The following ABI2 variants were observed in gnomAD, a reference collection of about 807,000 sequenced individuals.
The protein encoded by ABI2 is abl interactor 2.
ABI2 carries 25 observed loss-of-function variants against 59.2 expected under a neutral mutation model. That is an observed-to-expected ratio of 0.42 (90% CI 0.31 to 0.59). The LOEUF is 0.59. Ranked by LOEUF, ABI2 falls within the 20% of genes least tolerant of loss-of-function variation. The pLI, the probability that ABI2 is intolerant of heterozygous loss-of-function variation, is 0.14. For missense variants in ABI2, 545 were observed against 681.8 expected (o/e 0.80, Z 2.23); for synonymous variants, 213 against 235.5 (o/e 0.90, Z 0.87).
At chr2:203,374,182 T>C (rs2153109060) in intron 2 of ABI2, among the ~76,000 whole-genome samples, 1 of 151,690 alleles carries the variant, frequency 6.6e-6, no homozygotes, top group East Asian at 2.0e-4. Flanking sequence ...ACAAAAACTT[T>C]ATATAGATAG....
chr2:203,379,647 CG>C (rs1239736634), intron 2 of ABI2, among the ~76,000 whole-genome samples: 1 of 152,098 alleles, frequency 6.6e-6, no homozygotes, highest in African/African-American at 2.4e-5. Flanking sequence ...AGATTAATTT[CG>C]GGGGCTTTCT....
chr2:203,394,576 G>A (rs1351407188), intron 5 of ABI2, 124 bp from the exon 6 acceptor site: 2 of 910,954 alleles, frequency 2.2e-6, no homozygotes, highest in Non-Finnish European at 3.3e-6. Flanking sequence ...ATTGGTAGCT[G>A]GGTTATGTTA....
chr2:203,430,094 G>C lies in ABI2; in HGVS notation c.*2742G>C, dbSNP rs973081461. On this transcript the variant is annotated 3_prime_UTR_variant, in exon 12 of 12. Coordinates refer to ENST00000261018, the MANE Select transcript of ABI2 (RefSeq NM_001375670.1). ...TTGTCTTGGAAGGATACTGTGTGAT[G>C]GGTCAGGCACACAGTAATTGGAGAC... The C allele has an allele frequency of 6.6e-6, 1 of 152,148 alleles. No individual in the cohort carries two copies. Among genetic ancestry groups the C allele is most frequent in the African/African-American group, 2.4e-5 (1 of 41,438 alleles). The allele number at this position is 152,148 out of a possible 1,614,324, so 9.4% of individuals were successfully genotyped here. A position where few individuals can be genotyped will look rare whatever the true frequency, so the allele number is the denominator to read the frequency against.
Position 203,328,415 on chromosome 2 carries a change from TCGCCGC to T in ABI2, c.-96_-91del. The T allele has an allele frequency of 2.1e-6, 2 of 974,782 alleles. No homozygotes were observed. Among genetic ancestry groups the T allele is most frequent in the Non-Finnish European group, 3.1e-6 (2 of 645,640 alleles). The allele number at this position is 974,782 out of a possible 1,614,324, so 60.4% of individuals were successfully genotyped here. A position where few individuals can be genotyped will look rare whatever the true frequency, so the allele number is the denominator to read the frequency against. On this transcript the variant is annotated 5_prime_UTR_variant, in exon 1 of 12. Transcript: ENST00000261018. ...CGCTCCTTCCGAGTTACCGCCGCCGTCGCCGCCGCTCCTCCTCTCCCGGTCCTGGGT... is the reference window on the plus strand; with the variant it reads ...CGCTCCTTCCGAGTTACCGCCGCCGTCGCTCCTCCTCTCCCGGTCCTGGGT...
intron 1 of ABI2, among the ~76,000 whole-genome samples, chr2:203,363,821 A>G (rs1308301592): frequency 4.6e-5 from 7 of 151,846 alleles, no homozygotes; most frequent in South Asian, 2.1e-4. Context: ...CTGGAGTGCA[A>G]TGGTGCGATC....
intron 1 of ABI2, among the ~76,000 whole-genome samples, chr2:203,345,531 C>T (rs907130469): frequency 6.6e-6 from 1 of 152,126 alleles, no homozygotes; most frequent in African/African-American, 2.4e-5. Context: ...CTGCCTCAGC[C>T]TCCTGAGTAG....
chr2:203,347,172 A>G (rs939563992), intron 1 of ABI2, among the ~76,000 whole-genome samples: 1 of 152,208 alleles, frequency 6.6e-6, no homozygotes, highest in African/African-American at 2.4e-5. Flanking sequence ...AGGAGTGATC[A>G]TATAGAAAGC....
At chr2:203,400,000 G>A (rs1359786075) in intron 8 of ABI2, among the ~76,000 whole-genome samples, 1 of 150,294 alleles carries the variant, frequency 6.7e-6, no homozygotes, top group African/African-American at 2.5e-5. Context: ...AGGTTTTATC[G>A]CTAGGTTTAT....
chr2:203,392,263 G>GCACCACCACCATCAC (rs2096770914), intron 5 of ABI2, among the ~76,000 whole-genome samples: 1 of 145,520 alleles, frequency 6.9e-6, no homozygotes, highest in Non-Finnish European at 1.5e-5. Flanking sequence ...GGCTTCCTCA[G>GCACCACCACCATCAC]CACCACCACC....
At chr2:203,386,240 A>G (rs1006859687) in intron 4 of ABI2, among the ~76,000 whole-genome samples, 1 of 152,054 alleles carries the variant, frequency 6.6e-6, no homozygotes, top group African/African-American at 2.4e-5. Flanking sequence ...TCACATACAG[A>G]CACAACCTAC....
Position 203,396,898 on chromosome 2 carries a change from G to C in ABI2, c.964G>C (p.Gly322Arg), listed in dbSNP as rs546224920. 1 of 1,533,000 alleles carries C rather than the reference G, an allele frequency of 6.5e-7. No homozygotes were observed. Among genetic ancestry groups the C allele is most frequent in the East Asian group, 2.5e-5 (1 of 40,460 alleles). The allele number at this position is 1,533,000 out of a possible 1,614,324, so 95.0% of individuals were successfully genotyped here. A position where few individuals can be genotyped will look rare whatever the true frequency, so the allele number is the denominator to read the frequency against. ...CACTGCCCCAGACGCTGCTGCTGGGGGTGCCCAGACCCTTGCTGATGGCTT... is the reference window on the plus strand; with the variant it reads ...CACTGCCCCAGACGCTGCTGCTGGGCGTGCCCAGACCCTTGCTGATGGCTT... ...SSTAPDAAAG[G>R]AQTLADGFTS... Residue 322 changes from glycine to arginine, a missense_variant, in exon 8 of 12, where the codon GGT (glycine) becomes CGT (arginine). Coordinates refer to ENST00000261018, the MANE Select transcript of ABI2 (RefSeq NM_001375670.1).
intron 1 of ABI2, among the ~76,000 whole-genome samples, chr2:203,331,530 T>C (rs2073501933): frequency 6.6e-6 from 1 of 151,836 alleles, no homozygotes; most frequent in East Asian, 1.9e-4. Context: ...GGCTAATTTT[T>C]GTATTTTTAG....
At chr2:203,384,938 G>GA (rs1218578982) in intron 4 of ABI2, among the ~76,000 whole-genome samples, 4 of 149,698 alleles carry the variant, frequency 2.7e-5, no homozygotes, top group African/African-American at 7.4e-5. Flanking sequence ...GGGTTCAGGC[G>GA]ATTCTCCAGC....
chr2:203,346,526 GAGTTGCACGTTTTC>G (rs755996178), intron 1 of ABI2, among the ~76,000 whole-genome samples: 102 of 152,302 alleles, frequency 6.7e-4, no homozygotes, highest in Non-Finnish European at 1.2e-3. Context: ...TCCATTACTG[GAGTTGCACGTTTTC>G]CCTTGTCATA....
intron 4 of ABI2, among the ~76,000 whole-genome samples, chr2:203,383,545 G>C (rs2096268575): frequency 6.6e-6 from 1 of 152,124 alleles, no homozygotes. Context: ...TTAAAGTTTA[G>C]ACTAGCTTGC....
rs1475885393 is a variant in ABI2, at chr2:203,380,288, T to C, written c.366T>C (p.His122=). ...LTTNKNTSRT[H]KIIAPANLER... ...CCAATAAAAACACTTCAAGGACACA[T>C]AAGATTATTGCTCCAGCCAACCTTG... The change falls in exon 3 of 12, where the codon CAT becomes CAC. Residue 122 remains histidine, a synonymous_variant. Coordinates refer to ENST00000261018, the MANE Select transcript of ABI2 (RefSeq NM_001375670.1). The C allele has an allele frequency of 1.2e-6, 2 of 1,609,562 alleles. No individual in the cohort carries two copies. Among genetic ancestry groups the C allele is most frequent in the South Asian group, 1.1e-5 (1 of 89,964 alleles).
intron 10 of ABI2, among the ~76,000 whole-genome samples, chr2:203,411,670 T>G (rs1030168667): frequency 6.6e-6 from 1 of 152,204 alleles, no homozygotes; most frequent in South Asian, 2.1e-4. Context: ...GTTGCTCAGA[T>G]AAGTGGTAGT....
intron 5 of ABI2, among the ~76,000 whole-genome samples, chr2:203,391,368 T>C (rs1464507522): frequency 6.6e-6 from 1 of 152,220 alleles, no homozygotes; most frequent in Non-Finnish European, 1.5e-5. Flanking sequence ...TGAGGTAAAA[T>C]CCTAGCCCAA....
intron 1 of ABI2, among the ~76,000 whole-genome samples, chr2:203,361,996 A>C (rs1205989183): frequency 1.3e-5 from 2 of 152,206 alleles, no homozygotes; most frequent in Non-Finnish European, 2.9e-5. Context: ...TAGAGGAAAC[A>C]TTTCTAATGA....
Sources: gnomAD v4.1 joint callset for allele counts (sites outside exome capture counted in the v4.1 genomes callset) on GRCh38, gnomAD v4.1.1 for gene constraint, MANE v1.5 for transcripts, NCBI Gene and HGNC (gene_info 2026-07-23, HGNC 2026-07-21) for gene names.